SH3RF3: variants seen among roughly 807,000 people sequenced by gnomAD.
SH3RF3 encodes the protein E3 ubiquitin-protein ligase SH3RF3.
A neutral mutation model predicts 66.3 loss-of-function variants in SH3RF3; 29 were observed. The ratio of observed to expected loss-of-function variants is 0.44; its 90% CI spans 0.33 to 0.60. The LOEUF is 0.60. Ranked by LOEUF, SH3RF3 falls within the 20% of genes least tolerant of loss-of-function variation. SH3RF3 has a pLI of 0.04. For synonymous variants in SH3RF3, 583 were observed against 532.0 expected (o/e 1.10, Z -1.32); for missense variants, 1,194 against 1,190.9 (o/e 1.00, Z -0.04).
chr2:109,441,986 ATAG>A (rs1172850432), intron 7 of SH3RF3, among the ~76,000 whole-genome samples: 1 of 148,114 alleles, frequency 6.8e-6, no homozygotes, highest in African/African-American at 2.6e-5. Flanking sequence ...TTATTCAGAA[ATAG>A]TAAAACTAAA....
At chr2:109,248,856 TC>T (rs1272264896) in intron 1 of SH3RF3, among the ~76,000 whole-genome samples, 1 of 128,920 alleles carries the variant, frequency 7.8e-6, no homozygotes, top group Non-Finnish European at 1.6e-5. Flanking sequence ...TTTTCCTTTT[TC>T]CTTTCCTTTT....
chr2:109,236,157 A>T (rs1364612023), intron 1 of SH3RF3, among the ~76,000 whole-genome samples: 1 of 152,150 alleles, frequency 6.6e-6, no homozygotes, highest in Non-Finnish European at 1.5e-5. Context: ...CATTTTTAGA[A>T]CTCTTAATCA....
At chr2:109,323,425 C>T (rs1230752664) in intron 1 of SH3RF3, among the ~76,000 whole-genome samples, 2 of 152,228 alleles carry the variant, frequency 1.3e-5, no homozygotes, top group African/African-American at 4.8e-5. Flanking sequence ...CACATATGCA[C>T]ATACTATCCC....
chr2:109,372,959 G>A (rs1297690481), intron 3 of SH3RF3, among the ~76,000 whole-genome samples: 5 of 152,204 alleles, frequency 3.3e-5, no homozygotes, highest in Admixed American at 3.3e-4. Flanking sequence ...CTTTAGCTTA[G>A]CATTCAAAGC....
At chr2:109,437,420 A>G (rs576233591) in intron 7 of SH3RF3, among the ~76,000 whole-genome samples, 1 of 152,138 alleles carries the variant, frequency 6.6e-6, no homozygotes, top group African/African-American at 2.4e-5. Context: ...TTGCCTTATC[A>G]TGTTACCCAT....
intron 2 of SH3RF3, among the ~76,000 whole-genome samples, chr2:109,365,257 A>C (rs1181647980): frequency 1.3e-5 from 2 of 152,176 alleles, no homozygotes. Flanking sequence ...CTTGAGGCAC[A>C]ATTCACAAAG....
intron 9 of SH3RF3, among the ~76,000 whole-genome samples, chr2:109,492,004 C>T (rs1485863311): frequency 6.6e-6 from 1 of 152,098 alleles, no homozygotes; most frequent in East Asian, 1.9e-4. Context: ...GTATAGTTTT[C>T]TAGCTTCACA....
intron 8 of SH3RF3, among the ~76,000 whole-genome samples, chr2:109,471,168 G>A (rs1414193010): frequency 4.2e-5 from 6 of 142,856 alleles, no homozygotes; most frequent in Non-Finnish European, 9.0e-5. Context: ...AGCCGAGATC[G>A]TGCCATTGCA....
At chr2:109,254,243 ACAAT>A (rs1278085317) in intron 1 of SH3RF3, among the ~76,000 whole-genome samples, 1 of 152,160 alleles carries the variant, frequency 6.6e-6, no homozygotes, top group Non-Finnish European at 1.5e-5. Context: ...TGACCTGAGG[ACAAT>A]CAATATGTTT....
chr2:109,431,647 G>A (rs1022576996), intron 5 of SH3RF3, among the ~76,000 whole-genome samples: 5 of 152,182 alleles, frequency 3.3e-5, no homozygotes, highest in Admixed American at 3.3e-4. Flanking sequence ...TGAAATGGGA[G>A]GATTGCTTGA....
chr2:109,243,497 A>G (rs1208482790), intron 1 of SH3RF3, among the ~76,000 whole-genome samples: 1 of 152,148 alleles, frequency 6.6e-6, no homozygotes, highest in Non-Finnish European at 1.5e-5. Flanking sequence ...ATGAACAGGA[A>G]ATGCTCATGA....
chr2:109,164,516 G>C (rs1677568167), intron 1 of SH3RF3, among the ~76,000 whole-genome samples: 1 of 152,114 alleles, frequency 6.6e-6, no homozygotes, highest in South Asian at 2.1e-4. Context: ...AGACTCTTCG[G>C]CCAAGCCTGG....
chr2:109,383,569 T>A (rs1675750536), intron 3 of SH3RF3, among the ~76,000 whole-genome samples: 1 of 152,196 alleles, frequency 6.6e-6, no homozygotes, highest in Admixed American at 6.5e-5. Flanking sequence ...GAGGCACGTT[T>A]AAGATTCGGG....
At chr2:109,307,685 GC>G (rs1226744790) in intron 1 of SH3RF3, among the ~76,000 whole-genome samples, 1 of 145,710 alleles carries the variant, frequency 6.9e-6, no homozygotes, top group Non-Finnish European at 1.5e-5. Context: ...TTGGTTTTTT[GC>G]TCTTGCGATA....
chr2:109,342,470 C>T (rs557211713), intron 1 of SH3RF3, among the ~76,000 whole-genome samples: 228 of 152,292 alleles, frequency 1.5e-3, no homozygotes, highest in African/African-American at 4.9e-3. Context: ...TGAAGGGGGC[C>T]CTCCATTGAA....
chr2:109,353,149 A>G (rs981652358), intron 2 of SH3RF3, among the ~76,000 whole-genome samples: 17 of 152,204 alleles, frequency 1.1e-4, no homozygotes, highest in African/African-American at 3.9e-4. Context: ...GGTGCTGCCC[A>G]CAAGGCCCCA....
intron 1 of SH3RF3, among the ~76,000 whole-genome samples, chr2:109,198,412 G>C (rs1046119971): frequency 2.6e-5 from 4 of 152,152 alleles, no homozygotes; most frequent in Admixed American, 2.6e-4. Flanking sequence ...AGAGGTAGAG[G>C]GGCACAGTGG....
At chr2:109,498,150 C>T (rs1437580253) in intron 9 of SH3RF3, among the ~76,000 whole-genome samples, 1 of 152,210 alleles carries the variant, frequency 6.6e-6, no homozygotes, top group African/African-American at 2.4e-5. Flanking sequence ...CGCCTGCCCT[C>T]CTTCCTTCCC....
chr2:109,399,772 C>T (rs1260577264), intron 4 of SH3RF3, among the ~76,000 whole-genome samples: 1 of 152,272 alleles, frequency 6.6e-6, no homozygotes, highest in Non-Finnish European at 1.5e-5. Flanking sequence ...GCAGAGACTG[C>T]AGCAGGAGAT....
Sources: allele counts gnomAD v4.1 joint callset (sites outside exome capture counted in the v4.1 genomes callset), GRCh38; gene constraint gnomAD v4.1.1; transcripts MANE v1.5; gene names NCBI Gene and HGNC (gene_info 2026-07-23, HGNC 2026-07-21).